ADGRG4: variants seen among roughly 807,000 people sequenced by gnomAD.
The protein encoded by ADGRG4 is adhesion G protein-coupled receptor G4.
A neutral mutation model predicts 126.2 loss-of-function variants in ADGRG4; 122 were observed. The ratio of observed to expected loss-of-function variants is 0.97; its 90% confidence interval spans 0.83 to 1.12. The LOEUF (loss-of-function observed/expected upper bound fraction) is 1.12. ADGRG4 is among the 50% of genes most tolerant of loss of function. ADGRG4 has a pLI of 0.00. For synonymous variants in ADGRG4, 943 were observed against 838.7 expected, an observed-to-expected ratio of 1.12 and a Z score of -2.15; for missense variants, 2,481 against 2,251.8, an observed-to-expected ratio of 1.10 and a Z score of -2.06.
Position 136,345,476 on chromosome X carries a change from T to C in ADGRG4, c.1770T>C (p.Leu590=). 1 of 1,211,040 alleles carries C rather than the reference T, an allele frequency of 8.3e-7. No homozygotes were observed. The highest frequency in any genetic ancestry group is 1.1e-6 in the Non-Finnish European group (1 of 895,052). Residue 590 remains leucine (L), a synonymous_variant, in exon 6 of 26, where the codon CTT becomes CTC. Coordinates refer to ENST00000394143, the MANE Select transcript of ADGRG4 (RefSeq NM_153834.4). ...CAGCCTTAACTCCTGAAATCACACT[T>C]GCATCTACAGTGGCTGAAACTATGC... The part of the protein sequence containing the change: ...TRTALTPEIT[L]ASTVAETMLS...
chrX:136,366,128 G>A (rs188844598), intron 13 of ADGRG4, among the ~76,000 whole-genome samples: 140 of 111,976 alleles, frequency 1.3e-3, no homozygotes, highest in Non-Finnish European at 2.2e-3. Flanking sequence ...ACACGAATCC[G>A]CCATTACAGT....
intron 23 of ADGRG4, among the ~76,000 whole-genome samples, chrX:136,411,429 C>A (rs1373232271): frequency 8.9e-6 from 1 of 112,733 alleles, no homozygotes; most frequent in East Asian, 2.8e-4. Context: ...GCACTGCTGG[C>A]AAAGACTTTC....
In ADGRG4 at chrX:136,323,368, A is replaced by C. The variant is rs145079154; in HGVS notation, c.661A>C (p.Thr221Pro). 2.5e-6 allele frequency: 3 copies of C among 1,208,703 alleles called. No individual in the cohort carries two copies. The highest frequency in any genetic ancestry group is 3.4e-6 in the Non-Finnish European group (3 of 893,922). The change falls in exon 5 of 26, where the codon ACT (threonine) becomes CCT (proline). Residue 221 changes from threonine to proline, a missense_variant. Transcript: ENST00000394143. ...CTGGCTTGTCAACAAGATCATCCCA[A>C]CTGTTGACAGGACACTGCGCTGCTG... ...DVWLVNKIIP[T>P]VDRTLRCFVP...
rs2075299250 is a variant in ADGRG4, at chrX:136,387,701, T to G, written c.7777-39T>G. Reference sequence around the variant, plus strand: ...GTGGGCAGGACTTCACTATGATGAATGAAGACTCCAATTTTCATTTTTTGG... The same window carrying G: ...GTGGGCAGGACTTCACTATGATGAAGGAAGACTCCAATTTTCATTTTTTGG... On this transcript the variant is annotated intron_variant, in intron 15 of 25. Coordinates refer to ENST00000394143, the MANE Select transcript of ADGRG4 (RefSeq NM_153834.4). The G allele has an allele frequency of 5.9e-6, 7 of 1,187,310 alleles. No homozygotes were observed. The South Asian group carries it at 7.5e-5, about 13-fold the overall frequency.
At chrX:136,396,619 A>G (rs1449702037) in intron 19 of ADGRG4, among the ~76,000 whole-genome samples, 1 of 102,863 alleles carries the variant, frequency 9.7e-6, no homozygotes, top group African/African-American at 3.5e-5. Context: ...AAAGAGAGAG[A>G]GAGAGAGAGA....
chrX:136,350,043 A>G lies in ADGRG4; in HGVS notation c.6337A>G (p.Ile2113Val), dbSNP rs1569325085. The G allele has an allele frequency of 8.3e-7, 1 of 1,210,921 alleles. No individual in the cohort carries two copies. The highest frequency in any genetic ancestry group is 1.7e-5 in the African/African-American group (1 of 57,671). ...THPEASSRTTITANPRTVSHP... is the reference protein window; with the variant it reads ...THPEASSRTTVTANPRTVSHP... ...CCCTGAGGCATCCTCCAGAACCACA[A>G]TAACTGCCAACCCCAGGACTGTGTC... The change falls in exon 6 of 26, where the codon ATA becomes GTA. Residue 2113 changes from isoleucine (I) to valine (V), a missense_variant. By Grantham distance (29) the Ile-to-Val change is conservative. Coordinates refer to ENST00000394143, the MANE Select transcript of ADGRG4 (RefSeq NM_153834.4).
At chrX:136,342,012 A>C (rs2074981866) in intron 5 of ADGRG4, among the ~76,000 whole-genome samples, 1 of 111,986 alleles carries the variant, frequency 8.9e-6, no homozygotes, top group South Asian at 3.7e-4. Context: ...ATCATGACTC[A>C]GTCTTGAATT....
intron 4 of ADGRG4, among the ~76,000 whole-genome samples, chrX:136,312,929 G>A (rs1240625659): frequency 8.9e-6 from 1 of 112,063 alleles, no homozygotes; most frequent in Non-Finnish European, 1.9e-5. Flanking sequence ...TTTGTGACTG[G>A]CTTCTTCCAC....
chrX:136,318,905 G>T (rs1488338184), intron 4 of ADGRG4, among the ~76,000 whole-genome samples: 1 of 112,047 alleles, frequency 8.9e-6, no homozygotes, highest in Non-Finnish European at 1.9e-5. Context: ...AAACAGTAAG[G>T]AAGACAATAA....
At chrX:136,352,307 AG>A (rs1177766887) in intron 7 of ADGRG4, among the ~76,000 whole-genome samples, 1 of 111,044 alleles carries the variant, frequency 9.0e-6, no homozygotes, top group African/African-American at 3.3e-5. Flanking sequence ...ACATGGTTGT[AG>A]TATAGTTTTT....
chrX:136,311,394 T>TACACACACACACACAC (rs72201867), intron 4 of ADGRG4, among the ~76,000 whole-genome samples: 3 of 95,635 alleles, frequency 3.1e-5, no homozygotes, highest in African/African-American at 1.2e-4. Flanking sequence ...TCATACCATG[T>TACACACACACACACAC]ACACACACAC....
intron 4 of ADGRG4, among the ~76,000 whole-genome samples, chrX:136,318,115 A>G (rs948221533): frequency 3.5e-5 from 4 of 112,678 alleles, no homozygotes; most frequent in Middle Eastern, 4.2e-3. Flanking sequence ...AGCACTATTC[A>G]TAATAGCCAA....
intron 5 of ADGRG4, among the ~76,000 whole-genome samples, chrX:136,328,185 C>T (rs935326284): frequency 9.0e-6 from 1 of 111,084 alleles, no homozygotes; most frequent in African/African-American, 3.3e-5. Flanking sequence ...TGGGGGGAGG[C>T]TGCTGAATAG....
At chrX:136,405,305 TGG>T (rs2075398982) in intron 22 of ADGRG4, among the ~76,000 whole-genome samples, 1 of 49,576 alleles carries the variant, frequency 2.0e-5, no homozygotes, top group African/African-American at 7.9e-5. Context: ...TGTAAGGTGG[TGG>T]CGGGGGGGCA....
At chrX:136,401,902 G>A (rs1197378739) in intron 21 of ADGRG4, among the ~76,000 whole-genome samples, 3 of 111,847 alleles carry the variant, frequency 2.7e-5, no homozygotes, top group Non-Finnish European at 3.8e-5. Flanking sequence ...AGGTGAGTAG[G>A]AGATGGCCCC....
rs145187646 is a variant in ADGRG4, at chrX:136,414,130, T to C, written c.9038-30T>C. 7 of 1,129,820 alleles carry C rather than the reference T, an allele frequency of 6.2e-6. No homozygotes were observed. In the East Asian group the frequency reaches 1.5e-4, roughly 24 times the overall value. The allele number at this position is 1,129,820 out of a possible 1,213,427, so 93.1% of individuals were successfully genotyped here. A position where few individuals can be genotyped will look rare whatever the true frequency, so the allele number is the denominator to read the frequency against. On this transcript the variant is annotated intron_variant, in intron 24 of 25. Coordinates refer to ENST00000394143, the MANE Select transcript of ADGRG4 (RefSeq NM_153834.4). ...TAAGTATAGAATTTCATGAGTTTTA[T>C]ATTTTTAACTTTTCTTGGTATCATT... is the stretch of plus-strand genomic sequence containing the variant.
intron 7 of ADGRG4, among the ~76,000 whole-genome samples, chrX:136,353,132 G>A (rs934768621): frequency 9.0e-6 from 1 of 111,452 alleles, no homozygotes; most frequent in Admixed American, 9.5e-5. Flanking sequence ...CGGGGTTAGG[G>A]CTTCAACATT....
At chrX:136,332,275 G>A (rs1462803792) in intron 5 of ADGRG4, among the ~76,000 whole-genome samples, 13 of 105,829 alleles carry the variant, frequency 1.2e-4, no homozygotes, top group Non-Finnish European at 2.1e-4. Context: ...TTGTTCTTGC[G>A]ATAGTTTACT....
chrX:136,354,301 C>T (rs1307544679), intron 8 of ADGRG4, among the ~76,000 whole-genome samples: 1 of 111,510 alleles, frequency 9.0e-6, no homozygotes, highest in Non-Finnish European at 1.9e-5. Context: ...CTCACAGTTC[C>T]GGAGGCTGGG....
Sources: allele counts gnomAD v4.1 joint callset (sites outside exome capture counted in the v4.1 genomes callset), GRCh38; gene constraint gnomAD v4.1.1; transcripts MANE v1.5; gene names NCBI Gene and HGNC (gene_info 2026-07-23, HGNC 2026-07-21).